SLC5A3: variants seen among roughly 807,000 people sequenced by gnomAD.
SLC5A3 encodes the protein solute carrier family 5 member 3, also known as sodium/myo-inositol cotransporter.
A neutral mutation model predicts 43.2 loss-of-function variants in SLC5A3; 10 were observed. That is an observed-to-expected ratio of 0.23 (90% CI 0.14 to 0.39). The LOEUF (loss-of-function observed/expected upper bound fraction) is 0.39, where lower values mean the gene tolerates loss of function less well. Ranked by LOEUF, SLC5A3 falls within the 10% of genes least tolerant of loss-of-function variation. The probability of loss-of-function intolerance (pLI) is 1.00; values close to 1 mark genes in which losing one functional copy is unlikely to be tolerated. For missense variants in SLC5A3, 608 were observed against 893.4 expected (o/e 0.68, Z 4.07); for synonymous variants, 349 against 322.0 (o/e 1.08, Z -0.90).
Position 34,073,665 on chromosome 21 carries a change from G to A in SLC5A3, c.-417G>A, listed in dbSNP as rs1441396017. ...CCGCCCCTTCGCGTCCCGGGAACCG[G>A]CTGGCTTCCGAGCCGCACTCGCCGA... On this transcript the variant is annotated 5_prime_UTR_variant, in exon 1 of 2. Coordinates refer to ENST00000381151, the MANE Select transcript of SLC5A3 (RefSeq NM_006933.7). The A allele has an allele frequency of 1.3e-6, 2 of 1,508,912 alleles. No individual in the cohort carries two copies. The highest frequency in any genetic ancestry group is 2.7e-5 in the East Asian group (1 of 36,500). 93.5% of individuals were successfully genotyped at this position (1,508,912 alleles called of 1,614,324 possible).
In SLC5A3 at chr21:34,101,818, G is replaced by A; in HGVS notation, c.*4463G>A. ...CTCAGGAATGATTTTCTCACACTTTGTGTTGGCTAATAATAAAAGCACTGT... is the reference window on the plus strand; with the variant it reads ...CTCAGGAATGATTTTCTCACACTTTATGTTGGCTAATAATAAAAGCACTGT... On this transcript the variant is annotated 3_prime_UTR_variant, in exon 2 of 2. Coordinates refer to ENST00000381151, the MANE Select transcript of SLC5A3 (RefSeq NM_006933.7). 3 of 998,836 alleles carry A rather than the reference G, an allele frequency of 3.0e-6. No individual in the cohort carries two copies. The highest frequency in any genetic ancestry group is 3.5e-5 in the African/African-American group (2 of 57,316). 61.9% of individuals were successfully genotyped at this position (998,836 alleles called of 1,614,324 possible). A position where few individuals can be genotyped will look rare whatever the true frequency, so the allele number is the denominator to read the frequency against.
At chr21:34,074,007 C>T (rs1164158099) in intron 1 of SLC5A3, among the ~76,000 whole-genome samples, 2 of 145,800 alleles carry the variant, frequency 1.4e-5, no homozygotes, top group Non-Finnish European at 3.0e-5. Context: ...AGCGGCCCGC[C>T]GGGCGGGGGG....
rs773357098 is a variant in SLC5A3, at chr21:34,102,140, G to A, written c.*4785G>A. On this transcript the variant is annotated 3_prime_UTR_variant, in exon 2 of 2. Coordinates refer to ENST00000381151, the MANE Select transcript of SLC5A3 (RefSeq NM_006933.7). ...AGGTCACTTAATATGGAATGTTTTT[G>A]TCAGACTGTCCTTTGTTGGAATACT... 1.0e-6 allele frequency: 1 copy of A among 1,000,142 alleles called. No homozygotes were observed. Among genetic ancestry groups the A allele is most frequent in the African/African-American group, 1.7e-5 (1 of 57,338 alleles). The allele number at this position is 1,000,142 out of a possible 1,614,324, so 62.0% of individuals were successfully genotyped here.
chr21:34,101,208 TA>T lies in SLC5A3; in HGVS notation c.*3857del. The T allele has an allele frequency of 1.0e-6, 1 of 1,000,090 alleles. No homozygotes were observed. The highest frequency in any genetic ancestry group is 4.7e-5 in the South Asian group (1 of 21,276). The allele number at this position is 1,000,090 out of a possible 1,614,324, so 62.0% of individuals were successfully genotyped here. Reference sequence around the variant, plus strand: ...TGGTAAAAGACAACAAATATTAGCTTAAAATCTGCATATGTAGAATCATTTT... The same window carrying T: ...TGGTAAAAGACAACAAATATTAGCTTAAATCTGCATATGTAGAATCATTTT... On this transcript the variant is annotated 3_prime_UTR_variant, in exon 2 of 2. Coordinates refer to ENST00000381151, the MANE Select transcript of SLC5A3 (RefSeq NM_006933.7).
chr21:34,074,013 G>A (rs1447639782), intron 1 of SLC5A3, among the ~76,000 whole-genome samples: 1 of 146,090 alleles, frequency 6.8e-6, no homozygotes, highest in Non-Finnish European at 1.5e-5. Flanking sequence ...CCGCCGGGCG[G>A]GGGGCGGGGC....
At position 34,102,592 on chromosome 21, in the gene SLC5A3, G is replaced by A; in HGVS notation, c.*5237G>A. 2 of 1,000,084 alleles carry A rather than the reference G, an allele frequency of 2.0e-6. No homozygotes were observed. Among genetic ancestry groups the A allele is most frequent in the Non-Finnish European group, 2.4e-6 (2 of 829,870 alleles). 62.0% of individuals were successfully genotyped at this position (1,000,084 alleles called of 1,614,324 possible). ...GTACCATACATAGTCTGAGGCTATT[G>A]ACTTAAACCAATAACTGTACTTTAT... On this transcript the variant is annotated 3_prime_UTR_variant, in exon 2 of 2. Coordinates refer to ENST00000381151, the MANE Select transcript of SLC5A3 (RefSeq NM_006933.7).
intron 1 of SLC5A3, among the ~76,000 whole-genome samples, chr21:34,084,348 C>T (rs568801569): frequency 2.0e-5 from 3 of 152,156 alleles, no homozygotes; most frequent in African/African-American, 4.8e-5. Context: ...CTTCTAGAAA[C>T]AGTTTTTTTC....
Position 34,073,776 on chromosome 21 carries a change from C to G in SLC5A3, c.-337+31C>G. ...TGACCTTCCCTCAGAGCCGGTCTTC[C>G]CGCGCGGGCGCCCCCGCTGCCGCTA... On this transcript the variant is annotated intron_variant, in intron 1 of 1. Coordinates refer to ENST00000381151, the MANE Select transcript of SLC5A3 (RefSeq NM_006933.7). The G allele has an allele frequency of 8.2e-6, 12 of 1,456,826 alleles. 1 individual carries two copies. In the South Asian group the frequency reaches 1.2e-4, roughly 15 times the overall value. The allele number at this position is 1,456,826 out of a possible 1,614,324, so 90.2% of individuals were successfully genotyped here. A position where few individuals can be genotyped will look rare whatever the true frequency, so the allele number is the denominator to read the frequency against.
Position 34,097,866 on chromosome 21 carries a change from A to G in SLC5A3, c.*511A>G. ...GTGATACTTGTTTCAGGACAAGTTC[A>G]TTTGCCAGGTTCATTTTGTTAGCAT... is the stretch of plus-strand genomic sequence containing the variant. On this transcript the variant is annotated 3_prime_UTR_variant, in exon 2 of 2. Coordinates refer to ENST00000381151, the MANE Select transcript of SLC5A3 (RefSeq NM_006933.7). The G allele has an allele frequency of 2.0e-6, 2 of 996,850 alleles. No individual in the cohort carries two copies. The highest frequency in any genetic ancestry group is 2.4e-6 in the Non-Finnish European group (2 of 826,882). 61.8% of individuals were successfully genotyped at this position (996,850 alleles called of 1,614,324 possible).
At position 34,105,086 on chromosome 21, in the gene SLC5A3, T is replaced by C; in HGVS notation, c.*7731T>C. ...TGTGGGGTTATTAAAATGCAAAAGC[T>C]TTATTTTTTTTAATAATGCCATACT... On this transcript the variant is annotated 3_prime_UTR_variant, in exon 2 of 2. Coordinates refer to ENST00000381151, the MANE Select transcript of SLC5A3 (RefSeq NM_006933.7). The C allele has an allele frequency of 2.0e-6, 2 of 1,000,124 alleles. No homozygotes were observed. Among genetic ancestry groups the C allele is most frequent in the Non-Finnish European group, 2.4e-6 (2 of 829,836 alleles). The allele number at this position is 1,000,124 out of a possible 1,614,324, so 62.0% of individuals were successfully genotyped here.
intron 1 of SLC5A3, among the ~76,000 whole-genome samples, chr21:34,085,758 G>T (rs1300517051): frequency 6.6e-6 from 1 of 151,854 alleles, no homozygotes; most frequent in Non-Finnish European, 1.5e-5. Flanking sequence ...GCCCGCCACC[G>T]CACCCAGCTA....
intron 1 of SLC5A3, among the ~76,000 whole-genome samples, chr21:34,086,825 G>T (rs1405596920): frequency 0.032 from 2 of 62 alleles, no homozygotes; most frequent in African/African-American, 0.1. Flanking sequence ...TTGTAATGGA[G>T]AGGTGGAAGA....
Position 34,100,321 on chromosome 21 carries a change from G to T in SLC5A3, c.*2966G>T. On this transcript the variant is annotated 3_prime_UTR_variant, in exon 2 of 2. Transcript: ENST00000381151. Reference sequence around the variant, plus strand: ...AGGATGATTATTGCATATTTTGTGGGACCTCTAATTTCCCTGGTCATCTTT... The same window carrying T: ...AGGATGATTATTGCATATTTTGTGGTACCTCTAATTTCCCTGGTCATCTTT... 9.0e-6 allele frequency: 9 copies of T among 1,000,184 alleles called. No individual in the cohort carries two copies. Among genetic ancestry groups the T allele is most frequent in the Non-Finnish European group, 1.1e-5 (9 of 829,970 alleles). 62.0% of individuals were successfully genotyped at this position (1,000,184 alleles called of 1,614,324 possible).
intron 1 of SLC5A3, among the ~76,000 whole-genome samples, chr21:34,074,033 GGGCCCC>G (rs1326484610): frequency 1.4e-5 from 2 of 146,070 alleles, no homozygotes; most frequent in Non-Finnish European, 1.5e-5. Context: ...CGGACCGAGC[GGGCCCC>G]GACCCCGATC....
intron 1 of SLC5A3, among the ~76,000 whole-genome samples, chr21:34,078,779 A>C (rs1989392263): frequency 6.6e-6 from 1 of 152,258 alleles, no homozygotes; most frequent in Non-Finnish European, 1.5e-5. Flanking sequence ...AACAAATGAT[A>C]AAATACTGTG....
Position 34,104,671 on chromosome 21 carries a change from T to G in SLC5A3, c.*7316T>G. 1 of 1,000,256 alleles carries G rather than the reference T, an allele frequency of 1.0e-6. No homozygotes were observed. The highest frequency in any genetic ancestry group is 1.2e-6 in the Non-Finnish European group (1 of 829,984). 62.0% of individuals were successfully genotyped at this position (1,000,256 alleles called of 1,614,324 possible). A position where few individuals can be genotyped will look rare whatever the true frequency, so the allele number is the denominator to read the frequency against. On this transcript the variant is annotated 3_prime_UTR_variant, in exon 2 of 2. Coordinates refer to ENST00000381151, the MANE Select transcript of SLC5A3 (RefSeq NM_006933.7). ...CCAGGAATGAGCCTACCACATTATT[T>G]GAGAATATCAAACCTCAGGCCTGGG...
chr21:34,090,485 G>A (rs1978629151), intron 1 of SLC5A3, among the ~76,000 whole-genome samples: 1 of 152,206 alleles, frequency 6.6e-6, no homozygotes, highest in South Asian at 2.1e-4. Context: ...TGATGAGACA[G>A]TTGGGAGTCT....
In SLC5A3 at chr21:34,097,201, G is replaced by T. The variant is rs1979004857; in HGVS notation, c.2003G>T (p.Ser668Ile). 6.2e-7 allele frequency: 1 copy of T among 1,614,102 alleles called. No homozygotes were observed. Among genetic ancestry groups the T allele is most frequent in the Admixed American group, 1.7e-5 (1 of 60,026 alleles). Residue 668 changes from serine to isoleucine, a missense_variant, in exon 2 of 2, where the codon AGC becomes ATC. Coordinates refer to ENST00000381151, the MANE Select transcript of SLC5A3 (RefSeq NM_006933.7). ...TGGTTTTGTGGCTTTAAAAGTAAGA[G>T]CCTCAGCAAGAGGAGTCTCAGAGAC... ...IDWFCGFKSK[S>I]LSKRSLRDLM...
chr21:34,084,361 G>T (rs955584221), intron 1 of SLC5A3, among the ~76,000 whole-genome samples: 3 of 151,988 alleles, frequency 2.0e-5, no homozygotes, highest in Admixed American at 6.6e-5. Flanking sequence ...TTTTTTTCTA[G>T]AAACATAAAA....
Sources: allele counts gnomAD v4.1 joint callset (sites outside exome capture counted in the v4.1 genomes callset), GRCh38; gene constraint gnomAD v4.1.1; transcripts MANE v1.5; gene names NCBI Gene and HGNC (gene_info 2026-07-23, HGNC 2026-07-21).